HMOX2: variants seen among roughly 807,000 people sequenced by gnomAD.
HMOX2 encodes heme oxygenase 2, also known as heme oxygenase (decycling) 2.
A neutral mutation model predicts 33.7 loss-of-function variants in HMOX2; 30 were observed. The ratio of observed to expected loss-of-function variants is 0.89; its 90% CI spans 0.67 to 1.21. The LOEUF is 1.21. HMOX2 is among the 50% of genes most tolerant of loss of function. The pLI is 0.00. For synonymous variants in HMOX2, 155 were observed against 155.0 expected (o/e 1.00, Z 0.00); for missense variants, 403 against 399.1 (o/e 1.01, Z -0.08).
rs186971432 is a variant in HMOX2, at chr16:4,508,129, C to T, written c.621C>T (p.Asn207=). 12 of 1,614,094 alleles carry T rather than the reference C, an allele frequency of 7.4e-6. No individual in the cohort carries two copies. The East Asian group carries it at 1.3e-4, about 18-fold the overall frequency. The change falls in exon 4 of 6, where the codon AAC becomes AAT. Residue 207 remains asparagine (N), a synonymous_variant. Transcript: ENST00000570646. The stretch of plus-strand genomic sequence containing the variant: ...AGCAGCTCTACCGGGCCAGGATGAA[C>T]GCCCTGGACCTGAACATGAAGACCA... ...QFKQLYRARM[N]ALDLNMKTKE...
At chr16:4,501,038 A>G (rs2058545252) in intron 1 of HMOX2, among the ~76,000 whole-genome samples, 1 of 152,148 alleles carries the variant, frequency 6.6e-6, no homozygotes, top group Admixed American at 6.5e-5. Context: ...TTGTAACAGA[A>G]AAGAGGACCC....
intron 1 of HMOX2, among the ~76,000 whole-genome samples, chr16:4,494,852 C>G (rs2058382159): frequency 6.6e-6 from 1 of 151,900 alleles, no homozygotes; most frequent in Non-Finnish European, 1.5e-5. Context: ...GCACTCCAGC[C>G]TGCGTGAAAA....
chr16:4,478,027 TAAAAC>T (rs1276023232), intron 1 of HMOX2, among the ~76,000 whole-genome samples: 1 of 152,220 alleles, frequency 6.6e-6, no homozygotes, highest in African/African-American at 2.4e-5. Flanking sequence ...AGTTATCAGA[TAAAAC>T]ATTCAGGTTT....
chr16:4,488,484 TA>T (rs954164799), intron 1 of HMOX2, among the ~76,000 whole-genome samples: 6 of 152,192 alleles, frequency 3.9e-5, no homozygotes, highest in African/African-American at 1.4e-4. Context: ...TGGGATTTTT[TA>T]TTTTTTTTTC....
chr16:4,498,751 T>A (rs933132393), intron 1 of HMOX2, among the ~76,000 whole-genome samples: 2 of 152,228 alleles, frequency 1.3e-5, no homozygotes, highest in African/African-American at 4.8e-5. Flanking sequence ...CCCCCAGCGA[T>A]TGAAATGAAA....
intron 1 of HMOX2, among the ~76,000 whole-genome samples, chr16:4,484,384 C>T (rs2058110759): frequency 6.6e-6 from 1 of 151,974 alleles, no homozygotes; most frequent in Non-Finnish European, 1.5e-5. Context: ...ATAGTTATCC[C>T]TCAGTATCTG....
In HMOX2 at chr16:4,507,749, C is replaced by T; in HGVS notation, c.241C>T (p.Leu81Phe). 6.2e-7 allele frequency: 1 copy of T among 1,614,188 alleles called. No homozygotes were observed. Among genetic ancestry groups the T allele is most frequent in the Non-Finnish European group, 8.5e-7 (1 of 1,180,032 alleles). ...GGCACTTTACTTCACATACTCAGCC[C>T]TCGAGGAGGAAATGGAGCGCAACAA... ...TTALYFTYSA[L>F]EEEMERNKDH... The change falls in exon 4 of 6, where the codon CTC becomes TTC. Residue 81 changes from leucine to phenylalanine, a missense_variant. Transcript: ENST00000570646.
intron 1 of HMOX2, chr16:4,496,889 G>T (rs1402497982): frequency 6.6e-6 from 1 of 151,630 alleles, no homozygotes; most frequent in Non-Finnish European, 1.5e-5. Flanking sequence ...GAGACGGGGG[G>T]TCTCACTATG....
intron 1 of HMOX2, among the ~76,000 whole-genome samples, chr16:4,477,384 A>G: frequency 6.6e-6 from 1 of 150,938 alleles, no homozygotes; most frequent in Admixed American, 6.6e-5. Context: ...CTGTAGCTCC[A>G]GCTACTTAGG....
intron 1 of HMOX2, among the ~76,000 whole-genome samples, chr16:4,479,842 G>A (rs1231218508): frequency 7.1e-6 from 1 of 141,260 alleles, no homozygotes; most frequent in East Asian, 2.2e-4. Context: ...GGGTTCAAGC[G>A]ATTCTCCAGC....
intron 1 of HMOX2, among the ~76,000 whole-genome samples, chr16:4,489,155 C>T (rs8048958): frequency 0.019 from 2,936 of 152,302 alleles, 92 homozygotes; most frequent in African/African-American, 0.067. Flanking sequence ...GTAGTCATAT[C>T]TGTGGAATGT....
At chr16:4,497,234 C>T (rs564968347) in intron 1 of HMOX2, among the ~76,000 whole-genome samples, 13 of 152,296 alleles carry the variant, frequency 8.5e-5, no homozygotes, top group Admixed American at 1.3e-4. Flanking sequence ...CTTATCCACA[C>T]GACACCTGCT....
chr16:4,486,164 A>C (rs4786501), intron 1 of HMOX2, among the ~76,000 whole-genome samples: 83,572 of 152,196 alleles, frequency 0.55, 26,439 homozygotes, highest in Non-Finnish European at 0.71. Context: ...AAAAGTACAC[A>C]TCTCTTAATT....
intron 1 of HMOX2, among the ~76,000 whole-genome samples, chr16:4,491,883 CA>C (rs2058315322): frequency 6.6e-6 from 1 of 151,838 alleles, no homozygotes; most frequent in African/African-American, 2.4e-5. Flanking sequence ...AGGGTTTTAC[CA>C]TATTTGCCAG....
At position 4,508,227 on chromosome 16, in the gene HMOX2, G is replaced by A; in HGVS notation, c.696+23G>A. ...CAGGTACTATTGGGGGCTGCCAGCT[G>A]CTAGGGCTGAAGAGGGAAACTTTGA... On this transcript the variant is annotated intron_variant, in intron 4 of 5. Coordinates refer to ENST00000570646, the MANE Select transcript of HMOX2 (RefSeq NM_002134.4). 3 of 1,575,602 alleles carry A rather than the reference G, an allele frequency of 1.9e-6. No homozygotes were observed. The East Asian group carries it at 6.7e-5, about 35-fold the overall frequency.
At chr16:4,486,174 T>A (rs377729882) in intron 1 of HMOX2, among the ~76,000 whole-genome samples, 1 of 152,220 alleles carries the variant, frequency 6.6e-6, no homozygotes, top group African/African-American at 2.4e-5. Context: ...ATCTCTTAAT[T>A]TGTGTCTTCA....
rs560948780 is a variant in HMOX2 at position 4,483,432 on chromosome 16, A to G, written c.-42+6945A>G. Reference sequence around the variant, plus strand: ...CTTACTTACAACAAAAGATGCTCCTATTACCCAGGAAATTCCAAGGGATTT... The same window carrying G: ...CTTACTTACAACAAAAGATGCTCCTGTTACCCAGGAAATTCCAAGGGATTT... On this transcript the variant is annotated intron_variant, in intron 1 of 5. Coordinates refer to ENST00000570646, the MANE Select transcript of HMOX2 (RefSeq NM_002134.4). Among the ~76,000 whole-genome samples the G allele has an allele frequency of 3.5e-4, 53 of 152,014 alleles. 1 individual carries two copies. The South Asian group carries it at 0.01, about 30-fold the overall frequency.
rs2404579 is a variant in HMOX2, at chr16:4,508,063, G to A, written c.555G>A (p.Gln185=). The A allele has an allele frequency of 4.2e-3, 6,802 of 1,614,158 alleles. 18 individuals carry two copies. Among genetic ancestry groups the A allele is most frequent in the Non-Finnish European group, 5.2e-3 (6,100 of 1,180,028 alleles). Residue 185 remains glutamine (Q), a synonymous_variant, in exon 4 of 6, where the codon CAG becomes CAA. Coordinates refer to ENST00000570646, the MANE Select transcript of HMOX2 (RefSeq NM_002134.4). ...LKLPSTGEGT[Q]FYLFENVDNA... ...TCCCCAGCACAGGGGAAGGGACCCA[G>A]TTCTACCTGTTTGAGAATGTGGACA...
chr16:4,502,506 G>C (rs1220677067), intron 1 of HMOX2, among the ~76,000 whole-genome samples: 4 of 151,882 alleles, frequency 2.6e-5, no homozygotes, highest in Admixed American at 2.6e-4. Context: ...CCCTCAGCCT[G>C]GTGTGTGTGT....
Sources: allele counts gnomAD v4.1 joint callset (sites outside exome capture counted in the v4.1 genomes callset), GRCh38; gene constraint gnomAD v4.1.1; transcripts MANE v1.5; gene names NCBI Gene and HGNC (gene_info 2026-07-23, HGNC 2026-07-21).